The following TMEM87A variants were observed in gnomAD, a reference collection of about 807,000 sequenced individuals.
The protein encoded by TMEM87A is transmembrane protein 87A.
In TMEM87A, 50 loss-of-function variants were observed where a neutral mutation model predicts 90.0. That is an observed-to-expected ratio of 0.56 (90% confidence interval 0.44 to 0.70). The LOEUF is 0.70. TMEM87A is among the 30% of genes least tolerant of loss of function. The pLI is 0.00. For synonymous variants in TMEM87A, 226 were observed against 226.7 expected (o/e 1.00, Z 0.03); for missense variants, 577 against 660.5 (o/e 0.87, Z 1.39).
intron 6 of TMEM87A, chr15:42,258,601 A>G: frequency 1.8e-6 from 1 of 559,092 alleles, no homozygotes. Flanking sequence ...TAATTTTTGT[A>G]TTTTTAGTAA....
At chr15:42,245,759 T>C (rs1013239775) in intron 6 of TMEM87A, among the ~76,000 whole-genome samples, 1 of 152,170 alleles carries the variant, frequency 6.6e-6, no homozygotes, top group Admixed American at 6.5e-5. Context: ...CTCGAACTCC[T>C]GACCTCAGGT....
At chr15:42,227,869 AC>A in intron 13 of TMEM87A, 100 bp from the exon 14 acceptor site, 1 of 929,790 alleles carries the variant, frequency 1.1e-6, no homozygotes, top group Non-Finnish European at 1.7e-6. Flanking sequence ...CACACCCCGA[AC>A]CCCCAAATAC....
intron 4 of TMEM87A, 113 bp from the exon 5 acceptor site, chr15:42,261,362 TATA>T: frequency 1.3e-6 from 1 of 746,338 alleles, no homozygotes; most frequent in East Asian, 3.0e-5. Flanking sequence ...AACTAGTAAA[TATA>T]ATAACACAGC....
chr15:42,220,039 T>C (rs759019966), intron 16 of TMEM87A, 23 bp downstream of exon 16: 7 of 1,561,952 alleles, frequency 4.5e-6, no homozygotes, highest in Admixed American at 2.0e-5. Flanking sequence ...AAAGTACTAA[T>C]AAGAGGTGAA....
intron 10 of TMEM87A, among the ~76,000 whole-genome samples, chr15:42,233,774 C>T (rs1159624749): frequency 1.7e-4 from 26 of 151,950 alleles, no homozygotes; most frequent in Admixed American, 1.7e-3. Flanking sequence ...TACAAAAGGG[C>T]CTTTCTTTTT....
chr15:42,238,600 T>C (rs1370086217), intron 8 of TMEM87A, among the ~76,000 whole-genome samples: 13 of 151,654 alleles, frequency 8.6e-5, no homozygotes, highest in Admixed American at 8.5e-4. Context: ...AAAATAAAAA[T>C]TAGCCAGGCA....
intron 12 of TMEM87A, among the ~76,000 whole-genome samples, chr15:42,230,001 T>C (rs1045855290): frequency 2.0e-5 from 3 of 152,194 alleles, no homozygotes; most frequent in Admixed American, 2.0e-4. Context: ...AATTTTTGTA[T>C]TTTTTGTAGA....
intron 6 of TMEM87A, 53 bp downstream of exon 6, chr15:42,260,905 T>C: frequency 6.4e-6 from 10 of 1,566,162 alleles, no homozygotes; most frequent in Non-Finnish European, 8.7e-6. Flanking sequence ...AATACACAAA[T>C]TTAAGAAAAC....
intron 8 of TMEM87A, among the ~76,000 whole-genome samples, chr15:42,239,008 TACAC>T (rs1329554241): frequency 2.6e-5 from 4 of 151,794 alleles, no homozygotes; most frequent in African/African-American, 9.7e-5. Context: ...CATACACACA[TACAC>T]ACACAAAATG....
chr15:42,217,397 A>T (rs1770676634), intron 19 of TMEM87A, among the ~76,000 whole-genome samples: 1 of 152,242 alleles, frequency 6.6e-6, no homozygotes, highest in African/African-American at 2.4e-5. Context: ...ATTATTAAAT[A>T]GTAGGTAACA....
chr15:42,252,746 G>T (rs1424031846), intron 6 of TMEM87A, among the ~76,000 whole-genome samples: 1 of 151,916 alleles, frequency 6.6e-6, no homozygotes, highest in Admixed American at 6.6e-5. Context: ...GTATATTTAA[G>T]ACAGTTCACT....
intron 19 of TMEM87A, among the ~76,000 whole-genome samples, chr15:42,214,633 A>G (rs1156906351): frequency 6.6e-6 from 1 of 152,222 alleles, no homozygotes; most frequent in Non-Finnish European, 1.5e-5. Context: ...CACATGAGAA[A>G]GAATGAAAGT....
intron 9 of TMEM87A, 50 bp downstream of exon 9, chr15:42,237,382 C>T (rs1401399106): frequency 6.3e-7 from 1 of 1,580,028 alleles, no homozygotes. Flanking sequence ...TATTTTCATA[C>T]ATCTCACCTT....
At chr15:42,251,096 A>G (rs1160896383) in intron 6 of TMEM87A, among the ~76,000 whole-genome samples, 1 of 152,138 alleles carries the variant, frequency 6.6e-6, no homozygotes, top group Admixed American at 6.5e-5. Flanking sequence ...CCATCAGGTC[A>G]TTTAAGGTCT....
chr15:42,223,544 C>A (rs186162880), intron 15 of TMEM87A, among the ~76,000 whole-genome samples: 36 of 152,268 alleles, frequency 2.4e-4, no homozygotes, highest in Admixed American at 1.6e-3. Context: ...AGGGCTCCAC[C>A]CTCATGAATG....
chr15:42,239,329 G>A (rs2050830584), intron 8 of TMEM87A, among the ~76,000 whole-genome samples: 1 of 152,084 alleles, frequency 6.6e-6, no homozygotes, highest in African/African-American at 2.4e-5. Flanking sequence ...GCATGAGCCA[G>A]GGCACCCAGC....
intron 6 of TMEM87A, among the ~76,000 whole-genome samples, chr15:42,244,653 CA>C (rs1320168918): frequency 6.7e-6 from 1 of 150,206 alleles, no homozygotes; most frequent in Non-Finnish European, 1.5e-5. Context: ...CATGGTCTCA[CA>C]TTTATATCAA....
intron 3 of TMEM87A, among the ~76,000 whole-genome samples, chr15:42,265,010 T>C (rs2051374920): frequency 6.6e-6 from 1 of 152,150 alleles, no homozygotes; most frequent in African/African-American, 2.4e-5. Context: ...GCTCCTTCTG[T>C]GTTCTTGCAA....
intron 2 of TMEM87A, among the ~76,000 whole-genome samples, chr15:42,271,024 C>T (rs1225471165): frequency 2.6e-5 from 4 of 152,194 alleles, no homozygotes; most frequent in African/African-American, 9.7e-5. Flanking sequence ...AGACAGTATG[C>T]ATAGAATCAC....
Sources: gnomAD v4.1 joint callset for allele counts (sites outside exome capture counted in the v4.1 genomes callset) on GRCh38, gnomAD v4.1.1 for gene constraint, MANE v1.5 for transcripts, NCBI Gene and HGNC (gene_info 2026-07-23, HGNC 2026-07-21) for gene names.